The following SYNE1 variants were observed in gnomAD, a reference collection of about 807,000 sequenced individuals.
SYNE1 encodes the protein spectrin repeat containing nuclear envelope protein 1.
Under a neutral mutation model 1,111.0 loss-of-function variants are expected in SYNE1, and 616 were observed. That is an observed-to-expected ratio of 0.55 (90% CI 0.52 to 0.59). The LOEUF (loss-of-function observed/expected upper bound fraction) is 0.59, where lower values mean the gene tolerates loss of function less well. Ranked by LOEUF, SYNE1 falls within the 20% of genes least tolerant of loss-of-function variation. The pLI is 0.00. For synonymous variants in SYNE1, 3,855 were observed against 3,825.8 expected (o/e 1.01, Z -0.28); for missense variants, 10,006 against 10,417.0 (o/e 0.96, Z 1.72).
At position 152,419,731 on chromosome 6, in the gene SYNE1, A is replaced by G; in HGVS notation, c.5268-9T>C. 6.2e-7 allele frequency: 1 copy of G among 1,613,814 alleles called. No individual in the cohort carries two copies. Among genetic ancestry groups the G allele is most frequent in the South Asian group, 1.1e-5 (1 of 91,058 alleles). On this transcript the variant is annotated splice_polypyrimidine_tract_variant and intron_variant, in intron 39 of 145. Transcript: ENST00000367255. ...ACTGAAGAAAATTAATCCTATGTAG[A>G]CAAAGTATTAAAGTTAAAATGTCCC...
chr6:152,536,382 A>G (rs1455838579), intron 4 of SYNE1, among the ~76,000 whole-genome samples: 2 of 120,158 alleles, frequency 1.7e-5, no homozygotes, highest in Non-Finnish European at 3.5e-5. Flanking sequence ...ATAGTAATAT[A>G]TATATATTTA....
At chr6:152,427,268 A>G (rs1216461905) in intron 38 of SYNE1, among the ~76,000 whole-genome samples, 1 of 152,162 alleles carries the variant, frequency 6.6e-6, no homozygotes, top group African/African-American at 2.4e-5. Flanking sequence ...TCTATTACTT[A>G]TTTCTTTAAA....
At chr6:152,134,929 A>G (rs915693758) in intron 142 of SYNE1, 175 bp downstream of exon 142, 4 of 723,842 alleles carry the variant, frequency 5.5e-6, no homozygotes, top group African/African-American at 3.6e-5. Context: ...TTCTATGCAC[A>G]TGTTTGCTTT....
At chr6:152,450,890 A>G (rs1236261349) in intron 26 of SYNE1, 57 bp from the exon 27 acceptor site, 1 of 1,601,460 alleles carries the variant, frequency 6.2e-7, no homozygotes, top group Non-Finnish European at 8.6e-7. Context: ...GTACTTCTAC[A>G]TTTTCACAGA....
intron 136 of SYNE1, 114 bp downstream of exon 136, chr6:152,149,363 C>T (rs2060035408): frequency 7.8e-7 from 1 of 1,278,714 alleles, no homozygotes; most frequent in Non-Finnish European, 1.1e-6. Flanking sequence ...AGGACTTGAA[C>T]TCAGGTGCTC....
At chr6:152,398,826 T>C (rs1341056231) in intron 48 of SYNE1, 95 bp from the exon 49 acceptor site, 3 of 924,616 alleles carry the variant, frequency 3.2e-6, no homozygotes, top group Non-Finnish European at 5.1e-6. Context: ...GAATTATTTC[T>C]GGCCTTTAGC....
At chr6:152,339,211 C>G in intron 75 of SYNE1, 30 bp downstream of exon 75, 4 of 1,611,016 alleles carry the variant, frequency 2.5e-6, no homozygotes, top group Non-Finnish European at 2.5e-6. Flanking sequence ...ATAAAACAAA[C>G]AAATTCAATG....
intron 140 of SYNE1, among the ~76,000 whole-genome samples, chr6:152,138,552 T>TAAAC (rs1554397460): frequency 8.8e-5 from 12 of 135,988 alleles, no homozygotes; most frequent in African/African-American, 3.3e-4. Flanking sequence ...AATAAATAAA[T>TAAAC]AAATAAAATA....
At chr6:152,133,163 G>C in intron 143 of SYNE1, 113 bp downstream of exon 143, 3 of 1,034,366 alleles carry the variant, frequency 2.9e-6, no homozygotes, top group Non-Finnish European at 4.5e-6. Flanking sequence ...GCTGAAAGGA[G>C]ACACTCCATT....
intron 72 of SYNE1, among the ~76,000 whole-genome samples, chr6:152,349,190 A>G (rs532646819): frequency 1.3e-5 from 2 of 152,386 alleles, no homozygotes; most frequent in South Asian, 4.1e-4. Flanking sequence ...GCTCCATGAA[A>G]TTGTGACCAT....
chr6:152,630,554 T>C (rs1348633761), intron 2 of SYNE1, among the ~76,000 whole-genome samples: 2 of 152,208 alleles, frequency 1.3e-5, no homozygotes, highest in Non-Finnish European at 2.9e-5. Context: ...TAGTGAAAAG[T>C]GCCTGAAGGA....
intron 137 of SYNE1, chr6:152,145,278 GAGA>G: frequency 1.6e-6 from 1 of 617,132 alleles, no homozygotes; most frequent in Admixed American, 2.6e-5. Flanking sequence ...TTAACAAGTT[GAGA>G]AGTTACTTTA....
chr6:152,174,572 C>T (rs928343495), intron 130 of SYNE1, among the ~76,000 whole-genome samples: 6 of 152,140 alleles, frequency 3.9e-5, no homozygotes, highest in Non-Finnish European at 2.9e-5. Context: ...ATTAGATTGT[C>T]GAGATCAAAA....
At chr6:152,278,396 G>T in intron 97 of SYNE1, 116 bp from the exon 98 acceptor site, 2 of 1,265,514 alleles carry the variant, frequency 1.6e-6, no homozygotes, top group Non-Finnish European at 2.3e-6. Context: ...AGGCTTTCAT[G>T]ATTTTTTGTA....
At chr6:152,333,407 T>C (rs1409659770) in intron 77 of SYNE1, among the ~76,000 whole-genome samples, 7 of 152,200 alleles carry the variant, frequency 4.6e-5, no homozygotes, top group Non-Finnish European at 1.0e-4. Context: ...TCATAGATGA[T>C]ATCCCATAAC....
At chr6:152,463,308 T>G (rs1367800662) in intron 19 of SYNE1, 45 bp downstream of exon 19, 7 of 1,612,778 alleles carry the variant, frequency 4.3e-6, no homozygotes, top group Non-Finnish European at 5.9e-6. Flanking sequence ...TTATCACATT[T>G]GTAACACATA....
chr6:152,570,613 T>G (rs553727506), intron 3 of SYNE1, among the ~76,000 whole-genome samples: 3 of 152,318 alleles, frequency 2.0e-5, no homozygotes, highest in African/African-American at 4.8e-5. Context: ...TTTTAGTCCT[T>G]CATCCCAACA....
intron 13 of SYNE1, among the ~76,000 whole-genome samples, chr6:152,483,779 C>G (rs2154295309): frequency 6.6e-6 from 1 of 152,194 alleles, no homozygotes; most frequent in African/African-American, 2.4e-5. Flanking sequence ...ACCCTTCTCT[C>G]CATCTCTTCC....
At chr6:152,308,276 G>A (rs1321881878) in intron 91 of SYNE1, among the ~76,000 whole-genome samples, 1 of 152,186 alleles carries the variant, frequency 6.6e-6, no homozygotes, top group East Asian at 1.9e-4. Flanking sequence ...CGAACAACGT[G>A]TAGAGAGGTT....
Sources: gnomAD v4.1 joint callset for allele counts (sites outside exome capture counted in the v4.1 genomes callset) on GRCh38, gnomAD v4.1.1 for gene constraint, MANE v1.5 for transcripts, NCBI Gene and HGNC (gene_info 2026-07-23, HGNC 2026-07-21) for gene names.